The following ARHGEF37 variants were observed in gnomAD, a reference collection of about 807,000 sequenced individuals.
ARHGEF37 encodes Rho guanine nucleotide exchange factor 37.
In ARHGEF37, 55 loss-of-function variants were observed where a neutral mutation model predicts 71.1. That is an observed-to-expected ratio of 0.77 (90% CI 0.62 to 0.97). The LOEUF is 0.97. Among genes scored for constraint, ARHGEF37 ranks in the 50% least tolerant of loss-of-function variants. ARHGEF37 has a pLI of 0.00. For synonymous variants in ARHGEF37, 327 were observed against 350.6 expected (o/e 0.93, Z 0.75); for missense variants, 765 against 836.8 (o/e 0.91, Z 1.06).
chr5:149,586,460 A>G (rs1763241040), intron 1 of ARHGEF37, among the ~76,000 whole-genome samples: 1 of 152,118 alleles, frequency 6.6e-6, no homozygotes, highest in Non-Finnish European at 1.5e-5. Context: ...ATGGGTTTTC[A>G]CCATGTTGGC....
intron 11 of ARHGEF37, 55 bp downstream of exon 11, chr5:149,627,326 A>G (rs1461545831): frequency 2.6e-6 from 4 of 1,564,882 alleles, no homozygotes; most frequent in Non-Finnish European, 3.5e-6. Context: ...ACCCCACAGA[A>G]GCCGGTGCAG....
chr5:149,586,992 G>T (rs1463322900), intron 1 of ARHGEF37, among the ~76,000 whole-genome samples: 1 of 152,166 alleles, frequency 6.6e-6, no homozygotes, highest in East Asian at 1.9e-4. Flanking sequence ...AGCCTATGCT[G>T]ACTCCAGATG....
intron 1 of ARHGEF37, among the ~76,000 whole-genome samples, chr5:149,560,687 C>G (rs987169800): frequency 1.3e-5 from 2 of 151,442 alleles, no homozygotes; most frequent in Non-Finnish European, 2.9e-5. Context: ...CTTTGGAGGG[C>G]GAGGGGGCAG....
At chr5:149,594,901 A>G (rs1458663404) in intron 1 of ARHGEF37, among the ~76,000 whole-genome samples, 2 of 152,216 alleles carry the variant, frequency 1.3e-5, no homozygotes, top group Non-Finnish European at 1.5e-5. Context: ...GGAAGGAACT[A>G]TAACTATTGA....
chr5:149,632,053 C>T lies in ARHGEF37; in HGVS notation c.1890C>T (p.Thr630=). 6.2e-7 allele frequency: 1 copy of T among 1,614,260 alleles called. No homozygotes were observed. ...GCCTGCAGGCAGGCCAGCCTGTGAC[C>T]ATCCTGGAGGCCCAGGACAAGAAGG... ...EVSLQAGQPV[T]ILEAQDKKGN... Residue 630 remains threonine, a synonymous_variant, in exon 13 of 13, where the codon ACC becomes ACT. Coordinates refer to ENST00000333677, the MANE Select transcript of ARHGEF37 (RefSeq NM_001001669.3).
At chr5:149,605,875 C>T (rs1763900391) in intron 3 of ARHGEF37, among the ~76,000 whole-genome samples, 1 of 152,162 alleles carries the variant, frequency 6.6e-6, no homozygotes, top group Non-Finnish European at 1.5e-5. Context: ...TAGGTCTTGA[C>T]CATGCTGCCT....
intron 1 of ARHGEF37, among the ~76,000 whole-genome samples, chr5:149,553,067 C>T (rs1472960542): frequency 6.6e-6 from 1 of 152,058 alleles, no homozygotes; most frequent in Non-Finnish European, 1.5e-5. Flanking sequence ...GACTCTAAAG[C>T]ATGTTTTGAC....
intron 7 of ARHGEF37, among the ~76,000 whole-genome samples, chr5:149,619,918 A>G (rs1752486681): frequency 6.6e-6 from 1 of 152,052 alleles, no homozygotes; most frequent in South Asian, 2.1e-4. Flanking sequence ...AAAAATACGA[A>G]AAACATTAGC....
intron 1 of ARHGEF37, among the ~76,000 whole-genome samples, chr5:149,556,062 A>G (rs991014423): frequency 1.3e-5 from 2 of 152,256 alleles, no homozygotes; most frequent in Non-Finnish European, 2.9e-5. Context: ...GAAATGATAG[A>G]GACAAGCACA....
At chr5:149,590,593 CTTT>C (rs34084231) in intron 1 of ARHGEF37, among the ~76,000 whole-genome samples, 2 of 136,410 alleles carry the variant, frequency 1.5e-5, no homozygotes, top group Non-Finnish European at 1.6e-5. Flanking sequence ...CTATTTTATT[CTTT>C]TTTTTTTTTT....
intron 3 of ARHGEF37, 102 bp from the exon 4 acceptor site, chr5:149,609,446 C>A: frequency 7.5e-7 from 1 of 1,325,968 alleles, no homozygotes; most frequent in Non-Finnish European, 1.1e-6. Flanking sequence ...ACCCAGCAAT[C>A]TCACTGGAGA....
chr5:149,618,388 G>A, intron 6 of ARHGEF37, 82 bp downstream of exon 6: 2 of 1,584,360 alleles, frequency 1.3e-6, no homozygotes, highest in Non-Finnish European at 1.7e-6. Context: ...AGGGGACTTA[G>A]GCTCCTTTCA....
intron 1 of ARHGEF37, among the ~76,000 whole-genome samples, chr5:149,558,169 G>T (rs1269854135): frequency 6.6e-6 from 1 of 151,864 alleles, no homozygotes; most frequent in Non-Finnish European, 1.5e-5. Context: ...ACTGTGCTCG[G>T]CCCTTTTTTC....
intron 1 of ARHGEF37, among the ~76,000 whole-genome samples, chr5:149,557,056 T>C (rs986842977): frequency 6.6e-6 from 1 of 152,200 alleles, no homozygotes; most frequent in Non-Finnish European, 1.5e-5. Context: ...GCTGCATCTA[T>C]GACAGTGTTT....
chr5:149,590,381 A>G (rs569638980), intron 1 of ARHGEF37, among the ~76,000 whole-genome samples: 1 of 149,592 alleles, frequency 6.7e-6, no homozygotes, highest in Non-Finnish European at 1.5e-5. Flanking sequence ...TCCCGGGTTC[A>G]AGTAATTCAC....
chr5:149,627,714 A>T (rs1293032025), intron 11 of ARHGEF37, among the ~76,000 whole-genome samples: 2 of 152,216 alleles, frequency 1.3e-5, no homozygotes, highest in African/African-American at 4.8e-5. Context: ...TGCCCACTCC[A>T]TACTGGTCAT....
At chr5:149,615,716 C>G (rs925757037) in intron 4 of ARHGEF37, among the ~76,000 whole-genome samples, 31 of 151,802 alleles carry the variant, frequency 2.0e-4, no homozygotes, top group African/African-American at 7.0e-4. Context: ...ATGGTGAAAC[C>G]CCGTCTCTAC....
intron 10 of ARHGEF37, 150 bp downstream of exon 10, chr5:149,624,290 T>C (rs1230517652): frequency 3.5e-6 from 4 of 1,128,474 alleles, no homozygotes; most frequent in Non-Finnish European, 4.8e-6. Flanking sequence ...TCCTTTCTAT[T>C]TGAGCTGGGG....
chr5:149,611,356 T>G (rs775353194), intron 4 of ARHGEF37, among the ~76,000 whole-genome samples: 9 of 152,372 alleles, frequency 5.9e-5, no homozygotes, highest in Non-Finnish European at 1.2e-4. Flanking sequence ...GAGGGTCTGT[T>G]GTGGCCAGAG....
Sources: gnomAD v4.1 joint callset for allele counts (sites outside exome capture counted in the v4.1 genomes callset) on GRCh38, gnomAD v4.1.1 for gene constraint, MANE v1.5 for transcripts, NCBI Gene and HGNC (gene_info 2026-07-23, HGNC 2026-07-21) for gene names.